The following PER1 variants were observed in gnomAD, a reference collection of about 807,000 sequenced individuals.
PER1 encodes period circadian protein homolog 1.
Under a neutral mutation model 125.9 loss-of-function variants are expected in PER1, and 87 were observed. That is an observed-to-expected ratio of 0.69 (90% confidence interval 0.58 to 0.83). PER1 has a LOEUF of 0.83. PER1 is among the 40% of genes least tolerant of loss of function. PER1 has a pLI of 0.00. For missense variants in PER1, 1,775 were observed against 1,722.8 expected (o/e 1.03, Z -0.54); for synonymous variants, 801 against 714.7 (o/e 1.12, Z -1.93).
In PER1 at chr17:8,150,482, TGAG is replaced by T; in HGVS notation, c.222_224del (p.Ser75del). ...GCAGGGCTGAGTCCTTGCCGTTGCCTGAGGAGGAGCTGTGTGAGCTCCGCTGAG... is the reference window on the plus strand; with the variant it reads ...GCAGGGCTGAGTCCTTGCCGTTGCCTGAGGAGCTGTGTGAGCTCCGCTGAG... On this transcript the variant is annotated inframe_deletion, in exon 2 of 23. Coordinates refer to ENST00000317276, the MANE Select transcript of PER1 (RefSeq NM_002616.3). 1 of 1,614,100 alleles carries T rather than the reference TGAG, an allele frequency of 6.2e-7. No homozygotes were observed. The highest frequency in any genetic ancestry group is 8.5e-7 in the Non-Finnish European group (1 of 1,179,994).
At chr17:8,145,386 C>T (rs1038462247) in intron 17 of PER1, among the ~76,000 whole-genome samples, 2 of 139,768 alleles carry the variant, frequency 1.4e-5, no homozygotes, top group Non-Finnish European at 3.0e-5. Context: ...TGCAGTGGTG[C>T]GATCTCAGCT....
At chr17:8,148,881 G>A in intron 7 of PER1, 95 bp from the exon 8 acceptor site, 2 of 1,407,058 alleles carry the variant, frequency 1.4e-6, no homozygotes, top group Non-Finnish European at 2.0e-6. Context: ...AAGACGCTGG[G>A]GAGGGGGCAG....
chr17:8,143,090 T>C (rs974535905), intron 19 of PER1, among the ~76,000 whole-genome samples, 176 bp downstream of exon 19: 2 of 152,210 alleles, frequency 1.3e-5, no homozygotes, highest in African/African-American at 2.4e-5. Flanking sequence ...CAGACAGGAC[T>C]GTCCCTTCAA....
Position 8,143,882 on chromosome 17 carries a change from G to C in PER1, c.2462-6C>G, listed in dbSNP as rs1302697944. 4.4e-6 allele frequency: 7 copies of C among 1,604,152 alleles called. No individual in the cohort carries two copies. The highest frequency in any genetic ancestry group is 5.9e-6 in the Non-Finnish European group (7 of 1,177,404). On this transcript the variant is annotated splice_polypyrimidine_tract_variant and splice_region_variant and intron_variant, in intron 18 of 22. Coordinates refer to ENST00000317276, the MANE Select transcript of PER1 (RefSeq NM_002616.3). ...TGCGGGGCCGTGGTGGCAGCCTGTG[G>C]GGAGAGACTAGGGTTAGCAAGGACC...
intron 1 of PER1, among the ~76,000 whole-genome samples, 200 bp from the exon 2 acceptor site, chr17:8,151,045 G>C (rs886808876): frequency 6.6e-6 from 1 of 152,094 alleles, no homozygotes; most frequent in South Asian, 2.1e-4. Context: ...GGTTCTCCGG[G>C]GCCTTCCTTC....
At position 8,146,913 on chromosome 17, in the gene PER1, G is replaced by A; in HGVS notation, c.1719C>T (p.Ser573=). Residue 573 remains serine, a synonymous_variant, in exon 14 of 23, where the codon TCC becomes TCT. Coordinates refer to ENST00000317276, the MANE Select transcript of PER1 (RefSeq NM_002616.3). ...TCAACTCACCAGGGAGGCGGGGCCGGGACTGAGGCCGGGCCCGAGACTCAA... is the reference window on the plus strand; with the variant it reads ...TCAACTCACCAGGGAGGCGGGGCCGAGACTGAGGCCGGGCCCGAGACTCAA... The part of the protein sequence containing the change: ...LFIESRARPQ[S]RPRLPATGTF... 1.2e-6 allele frequency: 2 copies of A among 1,613,976 alleles called. No homozygotes were observed. The highest frequency in any genetic ancestry group is 1.1e-5 in the South Asian group (1 of 91,072).
chr17:8,141,921 G>A lies in PER1; in HGVS notation c.3484C>T (p.Arg1162Trp), dbSNP rs148264825. 2.1e-4 allele frequency: 343 copies of A among 1,613,880 alleles called. No individual in the cohort carries two copies. The highest frequency in any genetic ancestry group is 2.7e-4 in the Non-Finnish European group (314 of 1,180,030). ...MTSVLKQDRE[R>W]LRAMQKQQPR... Reference sequence around the variant, plus strand: ...TGCTGCTTCTGCATGGCTCGGAGCCGCTCCCGATCCTGCTTCAGCACAGAG... The same window carrying A: ...TGCTGCTTCTGCATGGCTCGGAGCCACTCCCGATCCTGCTTCAGCACAGAG... Residue 1162 changes from arginine to tryptophan, a missense_variant, in exon 22 of 23, where the codon CGG becomes TGG. Arg to Trp is a moderately radical substitution (Grantham distance 101). Transcript: ENST00000317276.
At chr17:8,141,411 ACCCCCAGCCCACTGTGCTT>A in intron 22 of PER1, 71 bp from the exon 23 acceptor site, 1 of 1,496,878 alleles carries the variant, frequency 6.7e-7, no homozygotes, top group Non-Finnish European at 9.0e-7. Flanking sequence ...GCAGCTTCCC[ACCCCCAGCCCACTGTGCTT>A]CCCGAAATGT....
intron 17 of PER1, 64 bp downstream of exon 17, chr17:8,145,894 G>A (rs1982400322): frequency 2.6e-6 from 4 of 1,517,790 alleles, no homozygotes; most frequent in Non-Finnish European, 3.6e-6. Flanking sequence ...GGGAAAGGCA[G>A]GAGGGAGCTC....
Position 8,142,472 on chromosome 17 carries a change from G to T in PER1, c.3260-14C>A. Reference sequence around the variant, plus strand: ...TCTGGCTGCTGCCTGTGAAGTGGGGGGCAGACCAATGGGAGTCAGGCCGGC... The same window carrying T: ...TCTGGCTGCTGCCTGTGAAGTGGGGTGCAGACCAATGGGAGTCAGGCCGGC... On this transcript the variant is annotated splice_polypyrimidine_tract_variant and intron_variant, in intron 20 of 22. Coordinates refer to ENST00000317276, the MANE Select transcript of PER1 (RefSeq NM_002616.3). 6.4e-7 allele frequency: 1 copy of T among 1,565,910 alleles called. No individual in the cohort carries two copies. The highest frequency in any genetic ancestry group is 8.7e-7 in the Non-Finnish European group (1 of 1,154,508).
At position 8,143,896 on chromosome 17, in the gene PER1, T is replaced by C; in HGVS notation, c.2462-20A>G. 9 of 1,591,530 alleles carry C rather than the reference T, an allele frequency of 5.7e-6. No homozygotes were observed. The highest frequency in any genetic ancestry group is 6.0e-6 in the Non-Finnish European group (7 of 1,171,582). On this transcript the variant is annotated intron_variant, in intron 18 of 22. Transcript: ENST00000317276. Reference sequence around the variant, plus strand: ...GGCAGCCTGTGGGGAGAGACTAGGGTTAGCAAGGACCTCAACCTGGGGTTA... The same window carrying C: ...GGCAGCCTGTGGGGAGAGACTAGGGCTAGCAAGGACCTCAACCTGGGGTTA...
chr17:8,149,639 AG>A lies in PER1; in HGVS notation c.675del (p.Phe226SerfsTer2). ...QNQDTFSVAV[S>X]FLTGRIVYIS... ...ATGTAGACGATTCGGCCCGTCAGGA[AG>A]GAGACAGCCACTGAGAAGGTATCCT... On this transcript the variant is annotated frameshift_variant, in exon 6 of 23. Transcript: ENST00000317276. LOFTEE classifies it high-confidence loss of function. 6.2e-7 allele frequency: 1 copy of A among 1,610,880 alleles called. No homozygotes were observed. The highest frequency in any genetic ancestry group is 8.5e-7 in the Non-Finnish European group (1 of 1,177,156).
rs1248203485 is a variant in PER1, at chr17:8,142,782, C to T, written c.3126G>A (p.Leu1042=). 4 of 1,613,106 alleles carry T rather than the reference C, an allele frequency of 2.5e-6. No homozygotes were observed. The highest frequency in any genetic ancestry group is 2.2e-5 in the East Asian group (1 of 44,890). Residue 1042 remains leucine, a synonymous_variant, in exon 20 of 23, where the codon CTG becomes CTA. Coordinates refer to ENST00000317276, the MANE Select transcript of PER1 (RefSeq NM_002616.3). ...AGTCCTCTTGCAGCAGAAGTTCGAG[C>T]AGGTCACTGGAGCCGGAAAGTGCGT... ...NQDALSGSSD[L]LELLLQEDSR... is the part of the protein sequence containing the mutation.
chr17:8,143,725 T>TAGG lies in PER1; in HGVS notation c.2612_2613insCCT (p.Pro871_Pro872insLeu). The TAGG allele has an allele frequency of 1.3e-6, 1 of 794,720 alleles. No individual in the cohort carries two copies. Among genetic ancestry groups the TAGG allele is most frequent in the East Asian group, 1.3e-4 (1 of 7,414 alleles). 49.2% of individuals were successfully genotyped at this position (794,720 alleles called of 1,614,324 possible). A position where few individuals can be genotyped will look rare whatever the true frequency, so the allele number is the denominator to read the frequency against. On this transcript the variant is annotated inframe_insertion, in exon 19 of 23. Coordinates refer to ENST00000317276, the MANE Select transcript of PER1 (RefSeq NM_002616.3). ...CCGCTGGGAAGGGGGTAGTGGCTGGTGGGGTGGGCCAGGGGGTGGAGGGTG... is the reference window on the plus strand; with the variant it reads ...CCGCTGGGAAGGGGGTAGTGGCTGGTAGGGGGGTGGGCCAGGGGGTGGAGGGTG...
In PER1 at chr17:8,144,054, A is replaced by C. The variant is rs1013342389; in HGVS notation, c.2462-178T>G. 8 of 942,080 alleles carry C rather than the reference A, an allele frequency of 8.5e-6. No individual in the cohort carries two copies. In the South Asian group the frequency reaches 1.6e-4, roughly 18 times the overall value. 58.4% of individuals were successfully genotyped at this position (942,080 alleles called of 1,614,324 possible). A position where few individuals can be genotyped will look rare whatever the true frequency, so the allele number is the denominator to read the frequency against. On this transcript the variant is annotated intron_variant, in intron 18 of 22. Transcript: ENST00000317276. The stretch of plus-strand genomic sequence containing the variant: ...GGCACCTTCAGGGAAGAATCACAGG[A>C]GCCAGGGACAAGGGGATTTATTGAG...
rs1982027262 is a variant in PER1, at chr17:8,140,694, G to A, written c.*374C>T. On this transcript the variant is annotated 3_prime_UTR_variant, in exon 23 of 23. Transcript: ENST00000317276. ...CTCTCCTCCCATCTGGGGAGGAGGT[G>A]GGAGAGAGAGCTGTCTCCCCGCAAT... The A allele has an allele frequency of 3.9e-6, 1 of 253,498 alleles. No individual in the cohort carries two copies. Among genetic ancestry groups the A allele is most frequent in the African/African-American group, 2.2e-5 (1 of 46,110 alleles). 15.7% of individuals were successfully genotyped at this position (253,498 alleles called of 1,614,324 possible). A position where few individuals can be genotyped will look rare whatever the true frequency, so the allele number is the denominator to read the frequency against.
At chr17:8,145,289 C>T (rs1982359405) in intron 17 of PER1, 2 of 344,604 alleles carry the variant, frequency 5.8e-6, no homozygotes, top group African/African-American at 4.2e-5. Flanking sequence ...AAGAGAAGCC[C>T]ACCCCTTGGC....
chr17:8,142,190 A>T, intron 21 of PER1, 79 bp downstream of exon 21: 1 of 1,240,106 alleles, frequency 8.1e-7, no homozygotes, highest in South Asian at 1.5e-5. Context: ...TATCCAGGGC[A>T]GAGCCAGCCC....
rs1463467256 is a variant in PER1 at position 8,150,457 on chromosome 17, G to A, written c.250C>T (p.Leu84=). ...SSGNGKDSAL[L]ETTESSKSTN... ...CTCTTGCTGCTCTCAGTGGTCTCCAGCAGGGCTGAGTCCTTGCCGTTGCCT... is the reference window on the plus strand; with the variant it reads ...CTCTTGCTGCTCTCAGTGGTCTCCAACAGGGCTGAGTCCTTGCCGTTGCCT... Residue 84 remains leucine (L), a synonymous_variant, in exon 2 of 23, where the codon CTG becomes TTG. Transcript: ENST00000317276. 1.9e-6 allele frequency: 3 copies of A among 1,613,144 alleles called. No individual in the cohort carries two copies. Among genetic ancestry groups the A allele is most frequent in the Non-Finnish European group, 2.5e-6 (3 of 1,179,564 alleles).
Sources: gnomAD v4.1 joint callset for allele counts (sites outside exome capture counted in the v4.1 genomes callset) on GRCh38, gnomAD v4.1.1 for gene constraint, MANE v1.5 for transcripts, NCBI Gene and HGNC (gene_info 2026-07-23, HGNC 2026-07-21) for gene names.